Variants in TRPM4 observed in about 807,000 individuals in gnomAD.
The protein encoded by TRPM4 is transient receptor potential cation channel subfamily M member 4.
Under a neutral mutation model 135.6 loss-of-function variants are expected in TRPM4, and 124 were observed. That is an observed-to-expected ratio of 0.91 (90% CI 0.79 to 1.06). The LOEUF (loss-of-function observed/expected upper bound fraction) is 1.06. Ranked by LOEUF, TRPM4 falls within the 50% of genes least tolerant of loss-of-function variation. The probability of loss-of-function intolerance (pLI) is 0.00; values close to 1 mark genes in which losing one functional copy is unlikely to be tolerated. For missense variants in TRPM4, 1,658 were observed against 1,671.4 expected, an observed-to-expected ratio of 0.99 and a Z score of 0.14; for synonymous variants, 745 against 705.6, an observed-to-expected ratio of 1.06 and a Z score of -0.88.
At chr19:49,190,410 C>T (rs369520631) in intron 15 of TRPM4, 90 bp downstream of exon 15, 15 of 1,181,348 alleles carry the variant, frequency 1.3e-5, no homozygotes, top group South Asian at 2.6e-5. Context: ...CTTCCCTCAT[C>T]GGCCCATTGT....
At chr19:49,182,354 GTCCATCCATCCATCCATCCA>G (rs71180605) in intron 10 of TRPM4, among the ~76,000 whole-genome samples, 1 of 79,626 alleles carries the variant, frequency 1.3e-5, no homozygotes, top group East Asian at 4.2e-4. Context: ...CCATCCCTCT[GTCCATCCATCCATCCATCCA>G]TCCATCCATC....
Position 49,210,210 on chromosome 19 carries a change from T to TACAC in TRPM4, c.3135_3138dup (p.Phe1047HisfsTer70). The TACAC allele has an allele frequency of 6.2e-7, 1 of 1,614,236 alleles. No individual in the cohort carries two copies. Among genetic ancestry groups the TACAC allele is most frequent in the Middle Eastern group, 1.6e-4 (1 of 6,062 alleles). ...ACCTTTGACCTCTGGCCTTTGCAGT[T>TACAC]ACACATTCGGCAAAGTACAGGGCAA... is the stretch of plus-strand genomic sequence containing the variant. On this transcript the variant is annotated frameshift_variant and splice_region_variant, in exon 21 of 25. Transcript: ENST00000252826. LOFTEE classifies it high-confidence loss of function. This position sits in a 1 kb window ranked among gnomAD's most constrained non-coding sequence, Gnocchi z 4.1.
Position 49,210,311 on chromosome 19 carries a change from C to G in TRPM4, c.3234C>G (p.Pro1078=). Residue 1078 remains proline, a synonymous_variant, in exon 21 of 25, where the codon CCC becomes CCG. Coordinates refer to ENST00000252826, the MANE Select transcript of TRPM4 (RefSeq NM_017636.4). This position sits in a 1 kb window ranked among gnomAD's most constrained non-coding sequence, Gnocchi z 4.1. The part of the protein sequence containing the change: ...EFHSRPALAP[P]FIVISHLRLL... ...ACTCTCGGCCCGCGCTGGCCCCGCC[C>G]TTTATCGTCATCTCCCACTTGCGCC... 1 of 1,614,252 alleles carries G rather than the reference C, an allele frequency of 6.2e-7. No homozygotes were observed. The highest frequency in any genetic ancestry group is 8.5e-7 in the Non-Finnish European group (1 of 1,180,046).
chr19:49,185,715 TGTTGTTTGTTTA>T (rs1968173685), intron 12 of TRPM4, among the ~76,000 whole-genome samples: 1 of 152,042 alleles, frequency 6.6e-6, no homozygotes. Flanking sequence ...TGTGGGTCAT[TGTTGTTTGTTTA>T]GTGACTTTTC....
In TRPM4 at chr19:49,211,424, A is replaced by G; in HGVS notation, c.3641-70A>G. The G allele has an allele frequency of 2.5e-6, 4 of 1,610,242 alleles. No individual in the cohort carries two copies. The highest frequency in any genetic ancestry group is 1.7e-6 in the Non-Finnish European group (2 of 1,177,942). On this transcript the variant is annotated intron_variant, in intron 24 of 24. Transcript: ENST00000252826. The surrounding 1 kb of genome is among the most constrained non-coding windows in gnomAD (Gnocchi z 4.8). Reference sequence around the variant, plus strand: ...GCCTTCGTCTTTCTTCTTTTTTGCCAGTCTCCCAGTTTTTCTGTCTCTCCC... The same window carrying G: ...GCCTTCGTCTTTCTTCTTTTTTGCCGGTCTCCCAGTTTTTCTGTCTCTCCC...
At chr19:49,197,830 G>A (rs1968755693) in intron 17 of TRPM4, among the ~76,000 whole-genome samples, 1 of 151,834 alleles carries the variant, frequency 6.6e-6, no homozygotes, top group South Asian at 2.1e-4. Context: ...TTACAGGCAT[G>A]CACCACTACA....
At chr19:49,164,725 T>TG (rs1967108929) in intron 2 of TRPM4, among the ~76,000 whole-genome samples, 2 of 147,068 alleles carry the variant, frequency 1.4e-5, no homozygotes, top group South Asian at 4.4e-4. Context: ...CTTGCTTGCT[T>TG]TTCTTTCCTT....
chr19:49,198,678 G>A (rs113808196), intron 17 of TRPM4, among the ~76,000 whole-genome samples: 6,286 of 146,098 alleles, frequency 0.043, 400 homozygotes, highest in African/African-American at 0.13. Flanking sequence ...AGGGAGAAAT[G>A]TCTAATCATC....
intron 3 of TRPM4, among the ~76,000 whole-genome samples, chr19:49,166,712 G>A (rs561852963): frequency 2.3e-5 from 3 of 128,068 alleles, no homozygotes; most frequent in Non-Finnish European, 4.9e-5. Context: ...CTGTGTTTCC[G>A]CTTTTCTCTG....
chr19:49,185,203 T>C (rs1165120418), intron 12 of TRPM4, among the ~76,000 whole-genome samples: 2 of 152,182 alleles, frequency 1.3e-5, no homozygotes, highest in Non-Finnish European at 2.9e-5. Context: ...TTTTTCCTAC[T>C]CATTTCTATT....
In TRPM4 at chr19:49,182,863, C is replaced by T. The variant is rs1435048358; in HGVS notation, c.1549C>T (p.Pro517Ser). The stretch of plus-strand genomic sequence containing the variant: ...GATGCTGCTGGGGAAGATGTGCGCG[C>T]CGAGGTACCCCTCCGGGGGCGCCTG... The part of the protein sequence containing the change: ...LRMLLGKMCA[P>S]RYPSGGAWDP... The change falls in exon 11 of 25, where the codon CCG (proline) becomes TCG (serine). Residue 517 changes from proline (P) to serine (S), a missense_variant. Pro to Ser is a moderately conservative substitution (Grantham distance 74). Coordinates refer to ENST00000252826, the MANE Select transcript of TRPM4 (RefSeq NM_017636.4). The T allele has an allele frequency of 6.2e-7, 1 of 1,609,390 alleles. No individual in the cohort carries two copies. Among genetic ancestry groups the T allele is most frequent in the Non-Finnish European group, 8.5e-7 (1 of 1,177,678 alleles).
intron 2 of TRPM4, chr19:49,159,032 T>G (rs910368365): frequency 2.9e-5 from 4 of 139,544 alleles, no homozygotes; most frequent in Admixed American, 7.1e-5. Flanking sequence ...TAGTTTTTTT[T>G]TTTTTTTTTT....
intron 2 of TRPM4, chr19:49,159,323 C>T (rs2041593987): frequency 6.6e-6 from 1 of 151,926 alleles, no homozygotes. Flanking sequence ...AGCCATCGCG[C>T]TGGGCCAATT....
chr19:49,209,743 C>A (rs565711387), intron 20 of TRPM4, among the ~76,000 whole-genome samples: 81 of 105,854 alleles, frequency 7.7e-4, no homozygotes, highest in African/African-American at 2.7e-3. Flanking sequence ...TCTAAACTGA[C>A]TTTTTTTTTT....
At chr19:49,176,724 G>A (rs1379196121) in intron 9 of TRPM4, among the ~76,000 whole-genome samples, 2 of 152,194 alleles carry the variant, frequency 1.3e-5, no homozygotes, top group African/African-American at 4.8e-5. Context: ...GGTGGCGGGT[G>A]CCTGTAATCC....
In TRPM4 at chr19:49,163,667, A is replaced by AT. The variant is rs200201526; in HGVS notation, c.93-2366dup. Reference sequence around the variant, plus strand: ...CCACCACACCTGGCTAATTAAAACAATTTTTTTTGTAGGGATGGGGTCTCG... The same window carrying AT: ...CCACCACACCTGGCTAATTAAAACAATTTTTTTTTGTAGGGATGGGGTCTCG... On this transcript the variant is annotated intron_variant, in intron 2 of 24. Coordinates refer to ENST00000252826, the MANE Select transcript of TRPM4 (RefSeq NM_017636.4). 3.0e-3 allele frequency among the ~76,000 whole-genome samples: 458 copies of AT among 151,624 alleles called. 4 individuals are homozygous for AT. The highest frequency in any genetic ancestry group is 3.0e-3 in the Non-Finnish European group (203 of 67,858).
chr19:49,204,222 C>A (rs1375569534), intron 20 of TRPM4, among the ~76,000 whole-genome samples: 4 of 152,212 alleles, frequency 2.6e-5, no homozygotes, highest in African/African-American at 7.2e-5. Context: ...GGAACATTGG[C>A]ATGCAAGTAT....
At chr19:49,167,863 T>C in intron 3 of TRPM4, 54 bp from the exon 4 acceptor site, 1 of 1,533,544 alleles carries the variant, frequency 6.5e-7, no homozygotes, top group Non-Finnish European at 9.0e-7. Flanking sequence ...TCTGTCCCCG[T>C]CTCTCTGGGT....
intron 17 of TRPM4, among the ~76,000 whole-genome samples, chr19:49,197,368 CTCTT>C (rs1337372095): frequency 9.5e-6 from 1 of 105,382 alleles, no homozygotes; most frequent in Non-Finnish European, 1.9e-5. Context: ...TTCTTTCTCT[CTCTT>C]TCTTTTCTTT....
Sources: gnomAD v4.1 joint callset for allele counts (sites outside exome capture counted in the v4.1 genomes callset) on GRCh38, gnomAD v4.1.1 for gene constraint, Gnocchi (gnomAD v3.1) non-coding constraint, MANE v1.5 for transcripts, NCBI Gene and HGNC (gene_info 2026-07-23, HGNC 2026-07-21) for gene names.